The following GRM4 variants were observed in gnomAD, a reference collection of about 807,000 sequenced individuals.
GRM4 encodes metabotropic glutamate receptor 4.
Under a neutral mutation model 81.7 loss-of-function variants are expected in GRM4, and 28 were observed. The ratio of observed to expected loss-of-function variants is 0.34; its 90% confidence interval spans 0.25 to 0.47. The LOEUF is 0.47. GRM4 is among the 20% of genes least tolerant of loss of function. The probability of loss-of-function intolerance (pLI) is 1.00; values close to 1 mark genes in which losing one functional copy is unlikely to be tolerated. For missense variants in GRM4, 948 were observed against 1,290.0 expected (o/e 0.73, Z 4.06); for synonymous variants, 488 against 528.8 (o/e 0.92, Z 1.06).
Position 34,114,417 on chromosome 6 carries a change from T to A in GRM4, c.519+18561A>T, listed in dbSNP as rs1769504618. ...CCTCCAGGCTGAATTGTTCTATCCA[T>A]CTCCTCATCACTCTCTCAGCTTCAG... On this transcript the variant is annotated intron_variant, in intron 2 of 10. Coordinates refer to ENST00000538487, the MANE Select transcript of GRM4 (RefSeq NM_000841.4). This position sits in a 1 kb window ranked among gnomAD's most constrained non-coding sequence, Gnocchi z 4.3. 6.6e-6 allele frequency among the ~76,000 whole-genome samples: 1 copy of A among 151,626 alleles called. No homozygotes were observed. The highest frequency in any genetic ancestry group is 2.4e-5 in the African/African-American group (1 of 41,228).
intron 2 of GRM4, 71 bp downstream of exon 2, chr6:34,132,907 G>A: frequency 2.3e-6 from 3 of 1,315,900 alleles, no homozygotes; most frequent in Middle Eastern, 1.9e-4. Flanking sequence ...GGCCAGGCCT[G>A]GCACCCTGAA....
intron 3 of GRM4, among the ~76,000 whole-genome samples, chr6:34,077,412 C>T (rs988860006): frequency 1.9e-4 from 29 of 152,226 alleles, no homozygotes; most frequent in African/African-American, 6.3e-4. Flanking sequence ...CCCTAATTCA[C>T]GGCGCACCTC....
Position 34,115,233 on chromosome 6 carries a change from C to T in GRM4, c.519+17745G>A, listed in dbSNP as rs1769544182. ...GCCCACTCCACAGCTTGCATGTGTG[C>T]GTGCGTGCGTGTATGCGTGTGTGTG... On this transcript the variant is annotated intron_variant, in intron 2 of 10. Coordinates refer to ENST00000538487, the MANE Select transcript of GRM4 (RefSeq NM_000841.4). This position sits in a 1 kb window ranked among gnomAD's most constrained non-coding sequence, Gnocchi z 4.1. 2.6e-5 allele frequency among the ~76,000 whole-genome samples: 4 copies of T among 151,578 alleles called. No individual in the cohort carries two copies. Among genetic ancestry groups the T allele is most frequent in the Middle Eastern group, 3.4e-3 (1 of 292 alleles).
Position 34,059,094 on chromosome 6 carries a change from T to C in GRM4, c.907A>G (p.Thr303Ala). 1 of 1,613,924 alleles carries C rather than the reference T, an allele frequency of 6.2e-7. No individual in the cohort carries two copies. The highest frequency in any genetic ancestry group is 8.5e-7 in the Non-Finnish European group (1 of 1,179,956). The change falls in exon 5 of 11, where the codon ACA (threonine) becomes GCA (alanine). Residue 303 changes from threonine (T) to alanine (A), a missense_variant. Physicochemically the swap from Thr to Ala is moderately conservative, Grantham distance 58. Coordinates refer to ENST00000538487, the MANE Select transcript of GRM4 (RefSeq NM_000841.4). This position sits in a 1 kb window ranked among gnomAD's most constrained non-coding sequence, Gnocchi z 5.7. ...VLEAARRANQ[T>A]GHFFWMGSDS... ...GAGCCCATCCAGAAGAAATGGCCTG[T>C]CTGGTTGGCCCTTCGTGCTGCCTCC...
chr6:34,078,034 C>T lies in GRM4; in HGVS notation c.736+13849G>A, dbSNP rs1767405814. On this transcript the variant is annotated intron_variant, in intron 3 of 10. Transcript: ENST00000538487. The surrounding 1 kb of genome is among the most constrained non-coding windows in gnomAD (Gnocchi z 4.8). ...ACTCAGCAACCTCCAGTGCCAGGAG[C>T]TGTCCTAGATTCTGTGGGTACAGCC... Among the ~76,000 whole-genome samples the T allele has an allele frequency of 6.6e-6, 1 of 152,200 alleles. No individual in the cohort carries two copies. Among genetic ancestry groups the T allele is most frequent in the South Asian group, 2.1e-4 (1 of 4,832 alleles).
rs1316305497 is a variant in GRM4, at chr6:34,040,219, A to C, written c.1465T>G (p.Tyr489Asp). The change falls in exon 8 of 11, where the codon TAC becomes GAC. Residue 489 changes from tyrosine (Y) to aspartate (D), a missense_variant. Physicochemically the swap from Tyr to Asp is radical, Grantham distance 160. Coordinates refer to ENST00000538487, the MANE Select transcript of GRM4 (RefSeq NM_000841.4). The stretch of plus-strand genomic sequence containing the variant: ...TCAGTCCAGGAGCCAATGACCTTGT[A>C]CTCGGCAGAATCGTTGCGCAGCTGG... ...QYQLRNDSAE[Y>D]KVIGSWTDHL... 6.2e-7 allele frequency: 1 copy of C among 1,614,042 alleles called. No individual in the cohort carries two copies. Among genetic ancestry groups the C allele is most frequent in the East Asian group, 2.2e-5 (1 of 44,866 alleles).
chr6:34,125,284 G>A (rs1412892578), intron 2 of GRM4, among the ~76,000 whole-genome samples: 4 of 152,178 alleles, frequency 2.6e-5, no homozygotes, highest in Admixed American at 6.5e-5. Flanking sequence ...TGCCCATCCA[G>A]TCACCGCACG....
chr6:34,119,148 C>T (rs996576086), intron 2 of GRM4, among the ~76,000 whole-genome samples: 9 of 152,178 alleles, frequency 5.9e-5, no homozygotes, highest in African/African-American at 1.7e-4. Context: ...GTAATCCCAG[C>T]ACTTTAGGAG....
intron 3 of GRM4, among the ~76,000 whole-genome samples, chr6:34,075,008 G>A (rs1007900940): frequency 2.0e-5 from 3 of 149,636 alleles, no homozygotes; most frequent in African/African-American, 7.6e-5. Context: ...GTCTGCTCAA[G>A]GCTTGCACAG....
intron 2 of GRM4, among the ~76,000 whole-genome samples, chr6:34,108,097 AG>A (rs1328957455): frequency 1.3e-5 from 2 of 152,212 alleles, no homozygotes; most frequent in African/African-American, 4.8e-5. Flanking sequence ...GAGGAGGGGC[AG>A]GGACCCAGCC....
chr6:34,085,018 C>T (rs1767813107), intron 3 of GRM4, among the ~76,000 whole-genome samples: 2 of 152,214 alleles, frequency 1.3e-5, no homozygotes, highest in Admixed American at 1.3e-4. Flanking sequence ...TGGCTCCTCT[C>T]ATGCCCACCA....
chr6:34,136,562 G>GAACA lies in GRM4; in HGVS notation c.-363-2704_-363-2703insTGTT, dbSNP rs1770463698. The stretch of plus-strand genomic sequence containing the variant: ...GGCTGAGCAGTGCATGCGCGCGTGC[G>GAACA]GACACACACACACACACACACACAC... On this transcript the variant is annotated intron_variant, in intron 1 of 10. Coordinates refer to ENST00000538487, the MANE Select transcript of GRM4 (RefSeq NM_000841.4). The surrounding 1 kb of genome is among the most constrained non-coding windows in gnomAD (Gnocchi z 4.1). Among the ~76,000 whole-genome samples the GAACA allele has an allele frequency of 1.8e-5, 1 of 56,498 alleles. No homozygotes were observed. Among genetic ancestry groups the GAACA allele is most frequent in the Non-Finnish European group, 3.3e-5 (1 of 30,084 alleles). The allele number at this position is 56,498 out of a possible 152,430, so 37.1% of individuals were successfully genotyped here.
intron 2 of GRM4, among the ~76,000 whole-genome samples, chr6:34,117,569 C>T (rs1769647798): frequency 6.6e-6 from 1 of 152,174 alleles, no homozygotes; most frequent in Admixed American, 6.5e-5. Context: ...GGGCTTTCAT[C>T]CTGAGCAAGC....
In GRM4 at chr6:34,114,954, G is replaced by A. The variant is rs1769530276; in HGVS notation, c.519+18024C>T. Among the ~76,000 whole-genome samples the A allele has an allele frequency of 6.6e-6, 1 of 152,186 alleles. No homozygotes were observed. The highest frequency in any genetic ancestry group is 1.5e-5 in the Non-Finnish European group (1 of 68,034). The stretch of plus-strand genomic sequence containing the variant: ...TCAAATGGAATCCATTCAAAACACA[G>A]CCCAGGAAGCATGTCCATTAAGAGA... On this transcript the variant is annotated intron_variant, in intron 2 of 10. Coordinates refer to ENST00000538487, the MANE Select transcript of GRM4 (RefSeq NM_000841.4). This position sits in a 1 kb window ranked among gnomAD's most constrained non-coding sequence, Gnocchi z 4.3.
At chr6:34,072,569 AAC>A (rs1173329415) in intron 3 of GRM4, among the ~76,000 whole-genome samples, 5 of 152,098 alleles carry the variant, frequency 3.3e-5, no homozygotes, top group African/African-American at 9.7e-5. Flanking sequence ...ACAGATACAC[AAC>A]ACACACACAT....
In GRM4 at chr6:34,070,882, G is replaced by A. The variant is rs1766790161; in HGVS notation, c.737-8854C>T. Among the ~76,000 whole-genome samples the A allele has an allele frequency of 6.8e-6, 1 of 146,690 alleles. No homozygotes were observed. The highest frequency in any genetic ancestry group is 1.5e-5 in the Non-Finnish European group (1 of 67,316). On this transcript the variant is annotated intron_variant, in intron 3 of 10. Transcript: ENST00000538487. The surrounding 1 kb of genome is among the most constrained non-coding windows in gnomAD (Gnocchi z 4.6). ...CACCACAAGCTCACAAAGTTTCACG[G>A]TCACACACGCTCACCAGGGACACAG...
intron 6 of GRM4, 169 bp downstream of exon 6, chr6:34,056,375 G>C: frequency 3.4e-6 from 2 of 593,650 alleles, no homozygotes; most frequent in Non-Finnish European, 5.9e-6. Context: ...CGCCCCTCAA[G>C]GCCCCGCCCC....
chr6:34,071,699 A>G (rs979102552), intron 3 of GRM4, among the ~76,000 whole-genome samples: 43 of 122,796 alleles, frequency 3.5e-4, no homozygotes, highest in African/African-American at 1.7e-3. Flanking sequence ...CACACCACAC[A>G]GATACACACC....
Position 34,078,566 on chromosome 6 carries a change from G to T in GRM4, c.736+13317C>A, listed in dbSNP as rs1165409103. Reference sequence around the variant, plus strand: ...GCCTTCTGGGTTGACCTGACAAGTGGCCTCTGCTCTCTCAGCCTGTTTCCT... The same window carrying T: ...GCCTTCTGGGTTGACCTGACAAGTGTCCTCTGCTCTCTCAGCCTGTTTCCT... On this transcript the variant is annotated intron_variant, in intron 3 of 10. Transcript: ENST00000538487. This position sits in a 1 kb window ranked among gnomAD's most constrained non-coding sequence, Gnocchi z 4.8. Among the ~76,000 whole-genome samples, 1 of 152,076 alleles carries T rather than the reference G, an allele frequency of 6.6e-6. No homozygotes were observed. The highest frequency in any genetic ancestry group is 2.4e-5 in the African/African-American group (1 of 41,358).
Sources: gnomAD v4.1 joint callset for allele counts (sites outside exome capture counted in the v4.1 genomes callset) on GRCh38, gnomAD v4.1.1 for gene constraint, Gnocchi (gnomAD v3.1) non-coding constraint, MANE v1.5 for transcripts, NCBI Gene and HGNC (gene_info 2026-07-23, HGNC 2026-07-21) for gene names.